The following NCL variants were observed in gnomAD, a reference collection of about 807,000 sequenced individuals.
NCL encodes nucleolin multifunctional protein.
In NCL, 4 loss-of-function variants were observed where a neutral mutation model predicts 77.7. That is an observed-to-expected ratio of 0.05 (90% CI 0.03 to 0.12). NCL has a LOEUF of 0.12. NCL is among the 10% of genes least tolerant of loss of function. The pLI is 1.00. For synonymous variants in NCL, 344 were observed against 297.8 expected (o/e 1.16, Z -1.60); for missense variants, 763 against 860.9 (o/e 0.89, Z 1.42).
At position 231,460,694 on chromosome 2, in the gene NCL, CTCATCATCTTCATCATCA is replaced by C. The variant is rs779992244; in HGVS notation, c.768_785del (p.Asp256_Asp261del). On this transcript the variant is annotated inframe_deletion, in exon 4 of 14. Transcript: ENST00000322723. ...CTTCCTCCTCCTCTTCTTCCTCCTCCTCATCATCTTCATCATCATCATCTTCATCATCTTCGTCGTCGT... is the reference window on the plus strand; with the variant it reads ...CTTCCTCCTCCTCTTCTTCCTCCTCCTCATCTTCATCATCTTCGTCGTCGT... 16 of 1,609,862 alleles carry C rather than the reference CTCATCATCTTCATCATCA, an allele frequency of 9.9e-6. No homozygotes were observed. Among genetic ancestry groups the C allele is most frequent in the Non-Finnish European group, 1.3e-5 (15 of 1,177,376 alleles).
chr2:231,463,387 T>C (rs2046970485), intron 1 of NCL, 71 bp from the exon 2 acceptor site: 1 of 971,594 alleles, frequency 1.0e-6, no homozygotes, highest in South Asian at 1.4e-5. Context: ...TTGCCATTAG[T>C]GTTCATACGC....
chr2:231,458,130 G>C (rs1559540960), intron 8 of NCL, 136 bp downstream of exon 8: 1 of 1,172,512 alleles, frequency 8.5e-7, no homozygotes, highest in Admixed American at 2.7e-5. Flanking sequence ...GTACAGATGG[G>C]TTACTGAGGC....
Position 231,460,469 on chromosome 2 carries a change from G to A in NCL, c.898+9C>T, listed in dbSNP as rs766013480. ...TATCTCCCCCATATCCCCTAATTCT[G>A]CAAGTTACCTTCCACTTTCTGTTTC... On this transcript the variant is annotated intron_variant, in intron 5 of 13. Coordinates refer to ENST00000322723, the MANE Select transcript of NCL (RefSeq NM_005381.3). 1 of 1,612,848 alleles carries A rather than the reference G, an allele frequency of 6.2e-7. No individual in the cohort carries two copies. The highest frequency in any genetic ancestry group is 8.5e-7 in the Non-Finnish European group (1 of 1,178,870).
Position 231,457,684 on chromosome 2 carries a change from T to C in NCL, c.1406A>G (p.Gln469Arg). The change falls in exon 9 of 14, where the codon CAA becomes CGA. Residue 469 changes from glutamine (Q) to arginine (R), a missense_variant. Gln to Arg is a conservative substitution (Grantham distance 43). This residue lies in a region of NCL where 590 missense variants were observed against 570.5 expected (regional missense o/e 1.03). Coordinates refer to ENST00000322723, the MANE Select transcript of NCL (RefSeq NM_005381.3). ...ISLYYTGEKG[Q>R]NQDYRGGKNS... ...CTTTCCACCTCTATAGTCTTGATTTTGACCTTTCTCTCCAGTATAGTACAG... is the reference window on the plus strand; with the variant it reads ...CTTTCCACCTCTATAGTCTTGATTTCGACCTTTCTCTCCAGTATAGTACAG... 1 of 1,611,704 alleles carries C rather than the reference T, an allele frequency of 6.2e-7. No homozygotes were observed. The highest frequency in any genetic ancestry group is 2.2e-5 in the East Asian group (1 of 44,804).
chr2:231,462,932 A>T (rs1269061498), intron 2 of NCL: 1 of 403,850 alleles, frequency 2.5e-6, no homozygotes, highest in Non-Finnish European at 4.5e-6. Context: ...GAAACTGGAA[A>T]AATGTAATGA....
Position 231,461,805 on chromosome 2 carries a change from T to C in NCL, c.348A>G (p.Lys116=). 1 of 1,614,216 alleles carries C rather than the reference T, an allele frequency of 6.2e-7. No individual in the cohort carries two copies. Among genetic ancestry groups the C allele is most frequent in the Non-Finnish European group, 8.5e-7 (1 of 1,180,020 alleles). Residue 116 remains lysine, a synonymous_variant, in exon 3 of 14, where the codon AAA becomes AAG. Coordinates refer to ENST00000322723, the MANE Select transcript of NCL (RefSeq NM_005381.3). ...TPGKKGATPG[K]ALVATPGKKG... is the part of the protein sequence containing the mutation. ...TCTTACCAGGAGTTGCTACCAATGC[T>C]TTGCCTGGTGTGGCTCCCTTCTTGC...
At position 231,456,698 on chromosome 2, in the gene NCL, C is replaced by T. The variant is rs756193935; in HGVS notation, c.1638G>A (p.Arg546=). 2 of 1,613,990 alleles carry T rather than the reference C, an allele frequency of 1.2e-6. No individual in the cohort carries two copies. Among genetic ancestry groups the T allele is most frequent in the Non-Finnish European group, 1.7e-6 (2 of 1,180,044 alleles). Residue 546 remains arginine, a synonymous_variant, in exon 11 of 14, where the codon AGG becomes AGA. Coordinates refer to ENST00000322723, the MANE Select transcript of NCL (RefSeq NM_005381.3). The part of the protein sequence containing the change: ...AKEALNSCNK[R]EIEGRAIRLE... ...GCCTGATTGCTCTGCCCTCAATTTC[C>T]CTTTTATTACAGGAATTTAAAGCTT... is the stretch of plus-strand genomic sequence containing the variant.
intron 8 of NCL, 50 bp from the exon 9 acceptor site, chr2:231,457,850 A>G (rs1312474231): frequency 1.3e-6 from 2 of 1,501,008 alleles, no homozygotes; most frequent in Admixed American, 2.0e-5. Context: ...TATTAACACA[A>G]ATGCTTTTAC....
In NCL at chr2:231,461,720, T is replaced by C. The variant is rs751929712; in HGVS notation, c.433A>G (p.Ser145Gly). ...CTGTCATCATCCTCCTCTTCATCAC[T>C]GTCTTCCTTCTTGGCATTCTTGCCA... ...KNGKNAKKEDSDEEEDDDSEE... is the reference protein window; with the variant it reads ...KNGKNAKKEDGDEEEDDDSEE... Residue 145 changes from serine to glycine, a missense_variant, in exon 3 of 14, where the codon AGT (serine) becomes GGT (glycine). Ser to Gly is a moderately conservative substitution (Grantham distance 56). This residue lies in a region of NCL where 590 missense variants were observed against 570.5 expected (regional missense o/e 1.03). Transcript: ENST00000322723. 2 of 1,614,240 alleles carry C rather than the reference T, an allele frequency of 1.2e-6. No homozygotes were observed. Among genetic ancestry groups the C allele is most frequent in the Non-Finnish European group, 8.5e-7 (1 of 1,180,036 alleles).
rs745521161 is a variant in NCL at position 231,455,636 on chromosome 2, A to T, written c.1833-12T>A. ...CTACAAAACCAAACCTAGAACACCAAATGAAATTGCCCATTATAAAAAGCA... is the reference window on the plus strand; with the variant it reads ...CTACAAAACCAAACCTAGAACACCATATGAAATTGCCCATTATAAAAAGCA... On this transcript the variant is annotated splice_polypyrimidine_tract_variant and intron_variant, in intron 12 of 13. Transcript: ENST00000322723. 4 of 1,613,260 alleles carry T rather than the reference A, an allele frequency of 2.5e-6. No individual in the cohort carries two copies. In the East Asian group the frequency reaches 6.7e-5, roughly 27 times the overall value.
At chr2:231,460,927 T>C in intron 3 of NCL, 61 bp from the exon 4 acceptor site, 5 of 1,317,820 alleles carry the variant, frequency 3.8e-6, no homozygotes, top group Non-Finnish European at 5.5e-6. Context: ...GGTTTTCAAA[T>C]CTAATGTAAA....
In NCL at chr2:231,461,738, T is replaced by C. The variant is rs749241891; in HGVS notation, c.415A>G (p.Asn139Asp). 2 of 1,614,246 alleles carry C rather than the reference T, an allele frequency of 1.2e-6. No individual in the cohort carries two copies. The highest frequency in any genetic ancestry group is 1.7e-5 in the Admixed American group (1 of 60,020). ...IPAKGAKNGK[N>D]AKKEDSDEEE... ...TCATCACTGTCTTCCTTCTTGGCATTCTTGCCATTCTTTGCCCCCTTGGCT... is the reference window on the plus strand; with the variant it reads ...TCATCACTGTCTTCCTTCTTGGCATCCTTGCCATTCTTTGCCCCCTTGGCT... The change falls in exon 3 of 14, where the codon AAT becomes GAT. Residue 139 changes from asparagine to aspartate, a missense_variant. Physicochemically the swap from Asn to Asp is conservative, Grantham distance 23. Around this residue, in one of 2 missense-constraint regions of NCL, gnomAD observed 590 missense variants for 570.5 expected, o/e 1.03. Transcript: ENST00000322723.
intron 4 of NCL, 27 bp downstream of exon 4, chr2:231,460,642 T>C: frequency 6.2e-7 from 1 of 1,614,138 alleles, no homozygotes; most frequent in Non-Finnish European, 8.5e-7. Context: ...ATAACTCATG[T>C]CGTATGTCAG....
rs745855645 is a variant in NCL, at chr2:231,464,398, A to G, written c.-45T>C. The G allele has an allele frequency of 1.9e-6, 3 of 1,591,872 alleles. No individual in the cohort carries two copies. Among genetic ancestry groups the G allele is most frequent in the South Asian group, 2.3e-5 (2 of 88,228 alleles). On this transcript the variant is annotated 5_prime_UTR_variant, in exon 1 of 14. Transcript: ENST00000322723. ...GCGGACAAGTGGCGCAGATGAGTCC[A>G]GAAGAAGCCAAGCGACGGCGATGGC... is the stretch of plus-strand genomic sequence containing the variant.
In NCL at chr2:231,456,640, C is replaced by A. The variant is rs1273918644; in HGVS notation, c.1696G>T (p.Ala566Ser). The change falls in exon 11 of 14, where the codon GCC becomes TCC. Residue 566 changes from alanine (A) to serine (S), a missense_variant. By Grantham distance (99) the Ala-to-Ser change is moderately conservative (BLOSUM62 1). Around this residue, in one of 2 missense-constraint regions of NCL, gnomAD observed 173 missense variants for 290.4 expected, o/e 0.60. Coordinates refer to ENST00000322723, the MANE Select transcript of NCL (RefSeq NM_005381.3). ...AACCAGGTGAACTTACGGCTTCTGGCATTAGGTGATCCCCTGGGTCCTTGC... is the reference window on the plus strand; with the variant it reads ...AACCAGGTGAACTTACGGCTTCTGGAATTAGGTGATCCCCTGGGTCCTTGC... ...ELQGPRGSPN[A>S]RSQPSKTLFV... The A allele has an allele frequency of 4.3e-6, 7 of 1,614,144 alleles. No individual in the cohort carries two copies. Among genetic ancestry groups the A allele is most frequent in the Non-Finnish European group, 5.9e-6 (7 of 1,180,028 alleles).
chr2:231,462,162 TTC>T (rs147456242), intron 2 of NCL, 145 bp from the exon 3 acceptor site: 170,576 of 1,077,424 alleles, frequency 0.16, 14,700 homozygotes, highest in Middle Eastern at 0.24. Flanking sequence ...AACTCCAGGC[TTC>T]TGTTATGTTG....
chr2:231,458,068 G>A (rs6754426), intron 8 of NCL, among the ~76,000 whole-genome samples, 198 bp downstream of exon 8: 72,055 of 151,952 alleles, frequency 0.47, 17,495 homozygotes, highest in African/African-American at 0.59. Flanking sequence ...TTGCTTCTTT[G>A]TAAGTATTAG....
chr2:231,456,910 G>T (rs1183188443), intron 10 of NCL, 91 bp downstream of exon 10: 10 of 1,562,154 alleles, frequency 6.4e-6, no homozygotes, highest in Non-Finnish European at 8.7e-6. Context: ...AAATTATTTG[G>T]CTTTTCTGAC....
chr2:231,459,412 C>A (rs1163103738), intron 6 of NCL, among the ~76,000 whole-genome samples: 5 of 152,150 alleles, frequency 3.3e-5, no homozygotes, highest in Non-Finnish European at 7.3e-5. Flanking sequence ...AGCACTAATA[C>A]AGGAGAATCC....
Sources: allele counts gnomAD v4.1 joint callset (sites outside exome capture counted in the v4.1 genomes callset), GRCh38; gene constraint gnomAD v4.1.1; regional missense constraint gnomAD v4.1.1; transcripts MANE v1.5; gene names NCBI Gene and HGNC (gene_info 2026-07-23, HGNC 2026-07-21).